The following CWC27 variants were observed in gnomAD, a reference collection of about 807,000 sequenced individuals.
CWC27 encodes the protein spliceosome-associated protein CWC27 homolog.
In CWC27, 47 loss-of-function variants were observed where a neutral mutation model predicts 63.6. The observed-to-expected ratio is 0.74, with a 90% CI of 0.58 to 0.94. CWC27 has a LOEUF of 0.94. Ranked by LOEUF, CWC27 falls within the 40% of genes least tolerant of loss-of-function variation. CWC27 has a pLI of 0.00. For synonymous variants in CWC27, 175 were observed against 179.8 expected (o/e 0.97, Z 0.22); for missense variants, 495 against 554.3 (o/e 0.89, Z 1.07).
chr5:64,904,051 A>G (rs945264607), intron 11 of CWC27, among the ~76,000 whole-genome samples: 2 of 152,210 alleles, frequency 1.3e-5, no homozygotes, highest in African/African-American at 4.8e-5. Context: ...TTGTGCATTC[A>G]CTTTGCTTTA....
intron 13 of CWC27, among the ~76,000 whole-genome samples, chr5:65,009,583 AG>A (rs1207226892): frequency 2.6e-5 from 4 of 152,176 alleles, no homozygotes; most frequent in Non-Finnish European, 4.4e-5. Flanking sequence ...TGAGGTCATG[AG>A]GGTGCCCCCG....
At chr5:64,824,883 C>T (rs1201187406) in intron 10 of CWC27, among the ~76,000 whole-genome samples, 4 of 152,030 alleles carry the variant, frequency 2.6e-5, no homozygotes, top group South Asian at 4.2e-4. Flanking sequence ...CAGGCACGTA[C>T]CACCATGCCT....
At chr5:64,815,009 A>G (rs1744987710) in intron 10 of CWC27, among the ~76,000 whole-genome samples, 1 of 152,134 alleles carries the variant, frequency 6.6e-6, no homozygotes, top group Admixed American at 6.6e-5. Context: ...GATGACTCCT[A>G]GTTTTCTGGC....
intron 13 of CWC27, among the ~76,000 whole-genome samples, chr5:64,983,719 G>C (rs191241169): frequency 6.6e-6 from 1 of 152,124 alleles, no homozygotes; most frequent in Non-Finnish European, 1.5e-5. Flanking sequence ...ACCCTTTTCT[G>C]GTCCTTAACT....
At chr5:64,951,532 A>G (rs1204713817) in intron 11 of CWC27, among the ~76,000 whole-genome samples, 1 of 151,910 alleles carries the variant, frequency 6.6e-6, no homozygotes, top group Non-Finnish European at 1.5e-5. Flanking sequence ...TTGAAAGTAT[A>G]CAGTTCAATG....
intron 13 of CWC27, among the ~76,000 whole-genome samples, chr5:64,986,052 T>C (rs1749418960): frequency 6.6e-6 from 1 of 152,108 alleles, no homozygotes; most frequent in Non-Finnish European, 1.5e-5. Flanking sequence ...GATGGTTTTA[T>C]AAGTGGCTGA....
At chr5:64,781,505 T>C (rs1444669919) in intron 2 of CWC27, among the ~76,000 whole-genome samples, 1 of 152,220 alleles carries the variant, frequency 6.6e-6, no homozygotes, top group African/African-American at 2.4e-5. Flanking sequence ...TTGTGGGAAC[T>C]GTCTTTTGCA....
chr5:64,888,882 T>C (rs1664504500), intron 11 of CWC27, among the ~76,000 whole-genome samples: 1 of 152,252 alleles, frequency 6.6e-6, no homozygotes, highest in East Asian at 1.9e-4. Flanking sequence ...AGAGTAACTT[T>C]ATAGTACAGC....
At chr5:65,004,909 T>TATACATACACACACACACAC (rs1402275240) in intron 13 of CWC27, among the ~76,000 whole-genome samples, 1 of 65,084 alleles carries the variant, frequency 1.5e-5, no homozygotes, top group African/African-American at 6.3e-5. Flanking sequence ...TATATATACA[T>TATACATACACACACACACAC]ACACACACAC....
At chr5:65,005,924 C>A (rs1156596188) in intron 13 of CWC27, among the ~76,000 whole-genome samples, 6 of 151,862 alleles carry the variant, frequency 4.0e-5, no homozygotes, top group Non-Finnish European at 8.8e-5. Context: ...ACAAAACAGC[C>A]ATTTATATTT....
chr5:64,930,157 TAGG>T (rs1354893366), intron 11 of CWC27, among the ~76,000 whole-genome samples: 5 of 152,098 alleles, frequency 3.3e-5, no homozygotes, highest in Admixed American at 6.5e-5. Context: ...ATGTCCAAAA[TAGG>T]CAGATCCAAA....
intron 10 of CWC27, chr5:64,845,053 C>G: frequency 2.2e-6 from 1 of 456,538 alleles, no homozygotes; most frequent in East Asian, 6.9e-5. Context: ...AGTTTCTAGC[C>G]ATTAACTCTG....
intron 11 of CWC27, among the ~76,000 whole-genome samples, chr5:64,904,971 CA>C (rs1208304894): frequency 1.3e-5 from 2 of 152,072 alleles, no homozygotes; most frequent in African/African-American, 4.8e-5. Context: ...GAGGCCAAGG[CA>C]GGTGGATCAC....
In CWC27 at chr5:64,781,977, G is replaced by A. The variant is rs753398778; in HGVS notation, c.196G>A (p.Gly66Arg). ...TGTGCCTGGTTTCATAGTCCAAGGC[G>A]GAGATCCTACTGGCACAGGGAGTGG... ...RVVPGFIVQG[G>R]DPTGTGSGGE... Residue 66 changes from glycine to arginine, a missense_variant, in exon 3 of 14, where the codon GGA becomes AGA. Around this residue, in one of 3 missense-constraint regions of CWC27, gnomAD observed 463 missense variants for 498.1 expected, o/e 0.93. Transcript: ENST00000381070. 6.5e-5 allele frequency: 105 copies of A among 1,604,056 alleles called. No individual in the cohort carries two copies. Among genetic ancestry groups the A allele is most frequent in the Non-Finnish European group, 8.0e-5 (94 of 1,173,450 alleles).
chr5:64,881,718 T>A (rs1165555461), intron 10 of CWC27, among the ~76,000 whole-genome samples: 1 of 152,174 alleles, frequency 6.6e-6, no homozygotes, highest in African/African-American at 2.4e-5. Flanking sequence ...TTAAGTCTTA[T>A]AATAGCTATG....
At chr5:64,792,980 C>G (rs184310859) in intron 7 of CWC27, among the ~76,000 whole-genome samples, 1 of 152,166 alleles carries the variant, frequency 6.6e-6, no homozygotes, top group African/African-American at 2.4e-5. Context: ...AAGCCAAGTG[C>G]CTTAAAATAT....
At chr5:64,861,608 T>A (rs1746414362) in intron 10 of CWC27, among the ~76,000 whole-genome samples, 1 of 152,222 alleles carries the variant, frequency 6.6e-6, no homozygotes, top group South Asian at 2.1e-4. Flanking sequence ...ATATATGCTT[T>A]TTCTATTTAT....
intron 12 of CWC27, among the ~76,000 whole-genome samples, chr5:64,976,095 A>T (rs1384233539): frequency 6.6e-6 from 1 of 152,156 alleles, no homozygotes; most frequent in African/African-American, 2.4e-5. Context: ...AAATAAAAAT[A>T]AAATTTTTAA....
At chr5:64,933,607 C>T (rs1389209573) in intron 11 of CWC27, among the ~76,000 whole-genome samples, 1 of 151,846 alleles carries the variant, frequency 6.6e-6, no homozygotes, top group Non-Finnish European at 1.5e-5. Context: ...ATTCTTCTGC[C>T]TCAGCCTCCT....
Sources: allele counts gnomAD v4.1 joint callset (sites outside exome capture counted in the v4.1 genomes callset), GRCh38; gene constraint gnomAD v4.1.1; regional missense constraint gnomAD v4.1.1; transcripts MANE v1.5; gene names NCBI Gene and HGNC (gene_info 2026-07-23, HGNC 2026-07-21).